MICAL2: variants seen among roughly 807,000 people sequenced by gnomAD.
MICAL2 encodes the protein [F-actin]-monooxygenase MICAL2.
MICAL2 carries 77 observed loss-of-function variants against 127.3 expected under a neutral mutation model. The observed-to-expected ratio is 0.60, with a 90% confidence interval of 0.50 to 0.73. The LOEUF (loss-of-function observed/expected upper bound fraction) is 0.73, where lower values mean the gene tolerates loss of function less well. Among genes scored for constraint, MICAL2 ranks in the 30% least tolerant of loss-of-function variants. MICAL2 has a pLI of 0.00. For synonymous variants in MICAL2, 570 were observed against 551.1 expected (o/e 1.03, Z -0.48); for missense variants, 1,351 against 1,434.4 (o/e 0.94, Z 0.94).
intron 22 of MICAL2, 84 bp from the exon 23 acceptor site, chr11:12,255,559 C>A (rs2134645032): frequency 2.5e-6 from 3 of 1,212,616 alleles, no homozygotes; most frequent in East Asian, 2.5e-5. Context: ...GCCCTCTCCC[C>A]ATCCATCCTG....
At chr11:12,347,285 GC>G (rs1420071333) in intron 32 of MICAL2, among the ~76,000 whole-genome samples, 1 of 152,170 alleles carries the variant, frequency 6.6e-6, no homozygotes, top group East Asian at 1.9e-4. Context: ...GCTTTTTGTT[GC>G]TTTATTGTGA....
intron 24 of MICAL2, 123 bp from the exon 25 acceptor site, chr11:12,258,345 C>G: frequency 2.6e-6 from 2 of 761,006 alleles, no homozygotes; most frequent in East Asian, 5.0e-5. Flanking sequence ...GTTTGAGCCA[C>G]CCTGGGCTAT....
intron 1 of MICAL2, among the ~76,000 whole-genome samples, chr11:12,114,562 G>A (rs767378583): frequency 1.3e-5 from 2 of 152,184 alleles, no homozygotes. Flanking sequence ...CTTAAGACGA[G>A]CCCACCTCTT....
At chr11:12,170,596 T>A (rs1282500470) in intron 3 of MICAL2, among the ~76,000 whole-genome samples, 1 of 152,234 alleles carries the variant, frequency 6.6e-6, no homozygotes, top group East Asian at 1.9e-4. Context: ...CCCTGGCCCA[T>A]GGAGGATCTG....
At chr11:12,201,583 T>C (rs1237224551) in intron 3 of MICAL2, among the ~76,000 whole-genome samples, 1 of 152,050 alleles carries the variant, frequency 6.6e-6, no homozygotes, top group Non-Finnish European at 1.5e-5. Context: ...AGCCAGAGTA[T>C]TGCCATTTTG....
In MICAL2 at chr11:12,239,502, A is replaced by G; in HGVS notation, c.2131A>G (p.Asn711Asp). 1 of 1,614,238 alleles carries G rather than the reference A, an allele frequency of 6.2e-7. No homozygotes were observed. Among genetic ancestry groups the G allele is most frequent in the Non-Finnish European group, 8.5e-7 (1 of 1,180,044 alleles). Residue 711 changes from asparagine to aspartate, a missense_variant, in exon 17 of 28, where the codon AAT (asparagine) becomes GAT (aspartate). Coordinates refer to ENST00000683283, the MANE Select transcript of MICAL2 (RefSeq NM_001282663.2). ...QECGSSKEGG[N>D]QNKVKSMANQ... Reference sequence around the variant, plus strand: ...GTGTGGGAGCAGTAAGGAAGGTGGAAATCAGAACAAAGTCAAGTCCATGGC... The same window carrying G: ...GTGTGGGAGCAGTAAGGAAGGTGGAGATCAGAACAAAGTCAAGTCCATGGC...
At chr11:12,356,859 A>T (rs1194579997) in intron 34 of MICAL2, among the ~76,000 whole-genome samples, 1 of 152,166 alleles carries the variant, frequency 6.6e-6, no homozygotes, top group East Asian at 1.9e-4. Context: ...CTGCCCAACC[A>T]TGAAGTACTG....
intron 33 of MICAL2, among the ~76,000 whole-genome samples, chr11:12,351,092 A>G (rs1939035974): frequency 6.6e-6 from 1 of 152,198 alleles, no homozygotes; most frequent in African/African-American, 2.4e-5. Context: ...GATAATCCAG[A>G]ATGTTCTTAT....
chr11:12,214,745 T>C (rs996516556), intron 7 of MICAL2, among the ~76,000 whole-genome samples: 1 of 152,208 alleles, frequency 6.6e-6, no homozygotes, highest in Non-Finnish European at 1.5e-5. Flanking sequence ...ACATAACTGT[T>C]GATGGCTGCT....
In MICAL2 at chr11:12,151,018, A is replaced by G. The variant is rs147397583; in HGVS notation, c.-77-11061A>G. Among the ~76,000 whole-genome samples the G allele has an allele frequency of 7.0e-3, 1,067 of 152,136 alleles. 50 individuals are homozygous for G. The highest frequency in any genetic ancestry group is 0.063 in the Admixed American group (955 of 15,276). ...TCCGTTTAATTTTCACAGGAACCCT[A>G]TGTTGTTTATGACTTGCTCAAAGGA... On this transcript the variant is annotated intron_variant, in intron 2 of 27. Transcript: ENST00000683283.
chr11:12,265,464 A>G (rs1413512211), downstream of MICAL2, among the ~76,000 whole-genome samples: 1 of 152,254 alleles, frequency 6.6e-6, no homozygotes, highest in Non-Finnish European at 1.5e-5. Flanking sequence ...TCTAATAGGA[A>G]GAACACCACA....
At chr11:12,350,146 T>A (rs530153677) in intron 33 of MICAL2, among the ~76,000 whole-genome samples, 1 of 152,356 alleles carries the variant, frequency 6.6e-6, no homozygotes, top group East Asian at 1.9e-4. Flanking sequence ...TGCAGAGTCC[T>A]GTGGCTAAAA....
Position 12,239,480 on chromosome 11 carries a change from T to C in MICAL2, c.2109T>C (p.Cys703=), listed in dbSNP as rs1407669520. 1.2e-6 allele frequency: 2 copies of C among 1,614,158 alleles called. No individual in the cohort carries two copies. Among genetic ancestry groups the C allele is most frequent in the East Asian group, 4.5e-5 (2 of 44,882 alleles). ...SSRSLGSNQE[C]GSSKEGGNQN... is the part of the protein sequence containing the mutation. ...GTAGCTTGGGCTCCAATCAAGAGTG[T>C]GGGAGCAGTAAGGAAGGTGGAAATC... Residue 703 remains cysteine, a synonymous_variant, in exon 17 of 28, where the codon TGT becomes TGC. Transcript: ENST00000683283.
intron 3 of MICAL2, among the ~76,000 whole-genome samples, chr11:12,168,145 T>TACACACACACAC (rs3044619): frequency 0.018 from 2,572 of 146,228 alleles, 29 homozygotes; most frequent in African/African-American, 0.02. Context: ...CTACAGCAAA[T>TACACACACACAC]ACACACACAC....
intron 29 of MICAL2, among the ~76,000 whole-genome samples, chr11:12,305,242 C>T (rs1864095190): frequency 6.6e-6 from 1 of 152,168 alleles, no homozygotes; most frequent in South Asian, 2.1e-4. Context: ...GAAGGGGAGG[C>T]AGGCGCATCT....
In MICAL2 at chr11:12,185,869, C is replaced by T. The variant is rs114504889; in HGVS notation, c.265-18381C>T. ...TAAACTGCTTCAAATTGAATCCCAA[C>T]GCCAGCCTGCGATCATGTTTTCAAA... On this transcript the variant is annotated intron_variant, in intron 3 of 27. Transcript: ENST00000683283. Among the ~76,000 whole-genome samples the T allele has an allele frequency of 5.9e-3, 904 of 152,338 alleles. 4 individuals carry two copies. The highest frequency in any genetic ancestry group is 0.01 in the African/African-American group (425 of 41,586).
chr11:12,136,439 A>G (rs552069257), intron 1 of MICAL2, among the ~76,000 whole-genome samples: 1 of 152,268 alleles, frequency 6.6e-6, no homozygotes, highest in African/African-American at 2.4e-5. Flanking sequence ...TAGCTGAGGT[A>G]GCAGTGTTAA....
At chr11:12,243,823 T>G (rs2270510) in intron 20 of MICAL2, among the ~76,000 whole-genome samples, 164 bp from the exon 21 acceptor site, 24,793 of 152,122 alleles carry the variant, frequency 0.16, 2,160 homozygotes, top group South Asian at 0.28. Flanking sequence ...AGCCAGATAA[T>G]CCTTTCTGGC....
In MICAL2 at chr11:12,357,495, G is replaced by T. The variant is rs916893438; in HGVS notation, c.5690-800G>T. On this transcript the variant is annotated intron_variant, in intron 34 of 34. Transcript: ENST00000646065. ...TATCAGACAGTTGTAGCCTCACTTT[G>T]CTTCCCTGTGGTCCCTAAACAAAAG... is the stretch of plus-strand genomic sequence containing the variant. Among the ~76,000 whole-genome samples, 4 of 152,182 alleles carry T rather than the reference G, an allele frequency of 2.6e-5. No homozygotes were observed. In the South Asian group the frequency reaches 6.2e-4, roughly 24 times the overall value.
Sources: gnomAD v4.1 joint callset for allele counts (sites outside exome capture counted in the v4.1 genomes callset) on GRCh38, gnomAD v4.1.1 for gene constraint, MANE v1.5 for transcripts, NCBI Gene and HGNC (gene_info 2026-07-23, HGNC 2026-07-21) for gene names.